The following GNA11 variants were observed in gnomAD, a reference collection of about 807,000 sequenced individuals.
GNA11 encodes G protein subunit alpha 11.
GNA11 carries 8 observed loss-of-function variants against 38.2 expected under a neutral mutation model. That is an observed-to-expected ratio of 0.21 (90% CI 0.12 to 0.38). The LOEUF (loss-of-function observed/expected upper bound fraction) is 0.38. GNA11 is among the 10% of genes least tolerant of loss of function. The pLI is 1.00. For synonymous variants in GNA11, 211 were observed against 221.4 expected (o/e 0.95, Z 0.42); for missense variants, 268 against 516.3 (o/e 0.52, Z 4.66).
At chr19:3,096,593 C>T (rs1913373197) in intron 1 of GNA11, among the ~76,000 whole-genome samples, 1 of 152,176 alleles carries the variant, frequency 6.6e-6, no homozygotes. Context: ...GTGTCTGCCG[C>T]CTTGGCTGCT....
At chr19:3,102,278 G>C (rs1223785574) in intron 1 of GNA11, among the ~76,000 whole-genome samples, 1 of 152,250 alleles carries the variant, frequency 6.6e-6, no homozygotes, top group Non-Finnish European at 1.5e-5. Context: ...GGGGCAGTTA[G>C]TATCTGCACC....
rs909094178 is a variant in GNA11, at chr19:3,121,690, C to T, written c.*511C>T. The T allele has an allele frequency of 1.7e-5, 4 of 232,574 alleles. No individual in the cohort carries two copies. The highest frequency in any genetic ancestry group is 1.7e-4 in the Admixed American group (3 of 17,738). The allele number at this position is 232,574 out of a possible 1,614,324, so 14.4% of individuals were successfully genotyped here. On this transcript the variant is annotated 3_prime_UTR_variant, in exon 7 of 7. Coordinates refer to ENST00000078429, the MANE Select transcript of GNA11 (RefSeq NM_002067.5). ...CTTCATCACAAAAGGCGTGGAGACTCGGAGACGGACGTTTTTCCCCTTTTT... is the reference window on the plus strand; with the variant it reads ...CTTCATCACAAAAGGCGTGGAGACTTGGAGACGGACGTTTTTCCCCTTTTT...
rs563805534 is a variant in GNA11 at position 3,113,613 on chromosome 19, G to C, written c.476+129G>C. On this transcript the variant is annotated intron_variant, in intron 3 of 6. Transcript: ENST00000078429. Reference sequence around the variant, plus strand: ...CTCGCCGGGGGCAGGGATGCGGTGGGCCCGGGCCACCTGGCCGGATGGAGG... The same window carrying C: ...CTCGCCGGGGGCAGGGATGCGGTGGCCCCGGGCCACCTGGCCGGATGGAGG... The C allele has an allele frequency of 7.3e-6, 5 of 686,382 alleles. No individual in the cohort carries two copies. In the African/African-American group the frequency reaches 9.3e-5, roughly 13 times the overall value. The allele number at this position is 686,382 out of a possible 1,614,324, so 42.5% of individuals were successfully genotyped here. A position where few individuals can be genotyped will look rare whatever the true frequency, so the allele number is the denominator to read the frequency against.
rs2145316274 is a variant in GNA11 at position 3,110,890 on chromosome 19, C to T, written c.321+557C>T. 1.3e-5 allele frequency among the ~76,000 whole-genome samples: 2 copies of T among 152,264 alleles called. No homozygotes were observed. Among genetic ancestry groups the T allele is most frequent in the Admixed American group, 1.3e-4 (2 of 15,302 alleles). On this transcript the variant is annotated intron_variant, in intron 2 of 6. Transcript: ENST00000078429. This position sits in a 1 kb window ranked among gnomAD's most constrained non-coding sequence, Gnocchi z 5.4. ...CAAGGCTCATCACAGCCTGGACCTT[C>T]TGGGCTCAGGTGATCCCACCACAGC...
chr19:3,113,106 G>T (rs1011141748), intron 2 of GNA11, among the ~76,000 whole-genome samples: 1 of 152,258 alleles, frequency 6.6e-6, no homozygotes, highest in Non-Finnish European at 1.5e-5. Context: ...AGACCGCACC[G>T]CCGGGAGGCT....
Position 3,119,424 on chromosome 19 carries a change from T to C in GNA11, c.889+65T>C. The C allele has an allele frequency of 1.4e-6, 2 of 1,475,130 alleles. No individual in the cohort carries two copies. Among genetic ancestry groups the C allele is most frequent in the African/African-American group, 2.9e-5 (2 of 69,362 alleles). 91.4% of individuals were successfully genotyped at this position (1,475,130 alleles called of 1,614,324 possible). ...GGCCTTACTGGGGGGAGGGGGCTGATATGGGAGAGGGGCTCATACAGGCCG... is the reference window on the plus strand; with the variant it reads ...GGCCTTACTGGGGGGAGGGGGCTGACATGGGAGAGGGGCTCATACAGGCCG... On this transcript the variant is annotated intron_variant, in intron 6 of 6. Transcript: ENST00000078429. This position sits in a 1 kb window ranked among gnomAD's most constrained non-coding sequence, Gnocchi z 4.6.
In GNA11 at chr19:3,120,344, T is replaced by G. The variant is rs372774; in HGVS notation, c.890-645T>G. Among the ~76,000 whole-genome samples, 23 of 151,668 alleles carry G rather than the reference T, an allele frequency of 1.5e-4. No individual in the cohort carries two copies. The South Asian group carries it at 4.8e-3, about 31-fold the overall frequency. Reference sequence around the variant, plus strand: ...GTCCTGTGGGCTCAGAGAGCCCTGGTGGGGGGAGGCCAAGGGACTGGGGCA... The same window carrying G: ...GTCCTGTGGGCTCAGAGAGCCCTGGGGGGGGGAGGCCAAGGGACTGGGGCA... On this transcript the variant is annotated intron_variant, in intron 6 of 6. Transcript: ENST00000078429. The surrounding 1 kb of genome is among the most constrained non-coding windows in gnomAD (Gnocchi z 5.9).
In GNA11 at chr19:3,123,048, C is replaced by T. The variant is rs961582295; in HGVS notation, c.*1869C>T. 6.9e-5 allele frequency: 16 copies of T among 233,280 alleles called. No individual in the cohort carries two copies. The highest frequency in any genetic ancestry group is 3.6e-4 in the South Asian group (2 of 5,532). 14.5% of individuals were successfully genotyped at this position (233,280 alleles called of 1,614,324 possible). The stretch of plus-strand genomic sequence containing the variant: ...GGTTGGTGCCAGAAGCCCCCCATGG[C>T]GAGTGCTGGGGCCCGGCGGTGCCCT... On this transcript the variant is annotated 3_prime_UTR_variant, in exon 7 of 7. Coordinates refer to ENST00000078429, the MANE Select transcript of GNA11 (RefSeq NM_002067.5).
rs1913739644 is a variant in GNA11, at chr19:3,110,274, C to G, written c.262C>G (p.Gln88Glu). The G allele has an allele frequency of 6.2e-7, 1 of 1,613,914 alleles. No homozygotes were observed. The highest frequency in any genetic ancestry group is 8.5e-7 in the Non-Finnish European group (1 of 1,179,922). The change falls in exon 2 of 7, where the codon CAG becomes GAG. Residue 88 changes from glutamine (Q) to glutamate (E), a missense_variant. Around this residue, in one of 3 missense-constraint regions of GNA11, gnomAD observed 151 missense variants for 254.0 expected, o/e 0.59. Coordinates refer to ENST00000078429, the MANE Select transcript of GNA11 (RefSeq NM_002067.5). This position sits in a 1 kb window ranked among gnomAD's most constrained non-coding sequence, Gnocchi z 5.4. ...CTACCAGAACATCTTCACCGCCATGCAGGCCATGATCCGGGCCATGGAGAC... is the reference window on the plus strand; with the variant it reads ...CTACCAGAACATCTTCACCGCCATGGAGGCCATGATCCGGGCCATGGAGAC... The part of the protein sequence containing the change: ...LVYQNIFTAM[Q>E]AMIRAMETLK...
chr19:3,102,124 A>C (rs1801629873), intron 1 of GNA11, among the ~76,000 whole-genome samples: 1 of 150,168 alleles, frequency 6.7e-6, no homozygotes, highest in African/African-American at 2.5e-5. Flanking sequence ...ACAAAACAAA[A>C]CAAACAAAAA....
Position 3,122,463 on chromosome 19 carries a change from A to C in GNA11, c.*1284A>C. ...GGGGGAGCCCGCCAGGCCACGCCGC[A>C]CTGAGCCACAGCCCCGGGGGCCGCC... On this transcript the variant is annotated 3_prime_UTR_variant, in exon 7 of 7. Transcript: ENST00000078429. This position sits in a 1 kb window ranked among gnomAD's most constrained non-coding sequence, Gnocchi z 7.7. 4.3e-6 allele frequency: 1 copy of C among 231,284 alleles called. No homozygotes were observed. The highest frequency in any genetic ancestry group is 6.1e-5 in the East Asian group (1 of 16,414). 14.3% of individuals were successfully genotyped at this position (231,284 alleles called of 1,614,324 possible).
intron 1 of GNA11, among the ~76,000 whole-genome samples, chr19:3,106,143 G>A (rs1442109905): frequency 6.6e-6 from 1 of 152,192 alleles, no homozygotes; most frequent in Non-Finnish European, 1.5e-5. Flanking sequence ...CCGAGTTGGG[G>A]CTGTGGCTTT....
At chr19:3,095,586 C>T (rs540485590) in intron 1 of GNA11, among the ~76,000 whole-genome samples, 1 of 152,086 alleles carries the variant, frequency 6.6e-6, no homozygotes, top group Admixed American at 6.5e-5. Context: ...CAGGGCCATT[C>T]TCCTGCCTTC....
rs308041 is a variant in GNA11 at position 3,121,611 on chromosome 19, C to G, written c.*432C>G. The stretch of plus-strand genomic sequence containing the variant: ...CACGCGCCCCCACACCGCAGCCCCC[C>G]GTGGCTGTCCTTCCAACCCCACGTG... On this transcript the variant is annotated 3_prime_UTR_variant, in exon 7 of 7. Transcript: ENST00000078429. 5 of 233,810 alleles carry G rather than the reference C, an allele frequency of 2.1e-5. No individual in the cohort carries two copies. Among genetic ancestry groups the G allele is most frequent in the Non-Finnish European group, 4.2e-5 (5 of 118,508 alleles). The allele number at this position is 233,810 out of a possible 1,614,324, so 14.5% of individuals were successfully genotyped here.
In GNA11 at chr19:3,094,758, C is replaced by T. The variant is rs2145300399; in HGVS notation, c.107C>T (p.Ala36Val). The change falls in exon 1 of 7, where the codon GCC becomes GTC. Residue 36 changes from alanine (A) to valine (V), a missense_variant. By Grantham distance (64) the Ala-to-Val change is moderately conservative. Coordinates refer to ENST00000078429, the MANE Select transcript of GNA11 (RefSeq NM_002067.5). The surrounding 1 kb of genome is among the most constrained non-coding windows in gnomAD (Gnocchi z 6.0). ...CAGCTGCGGCGGGACAAGCGCGACG[C>T]CCGGCGCGAGCTCAAGCTGCTGCTG... ...EKQLRRDKRD[A>V]RRELKLLLLG... is the part of the protein sequence containing the mutation. 1 of 1,587,994 alleles carries T rather than the reference C, an allele frequency of 6.3e-7. No individual in the cohort carries two copies. The highest frequency in any genetic ancestry group is 8.6e-7 in the Non-Finnish European group (1 of 1,169,362).
chr19:3,115,179 G>C (rs1263029248), intron 4 of GNA11, 107 bp downstream of exon 4: 2 of 1,305,292 alleles, frequency 1.5e-6, no homozygotes, highest in Non-Finnish European at 2.2e-6. Flanking sequence ...CAAGGCGGGA[G>C]GATCGCCTGA....
chr19:3,111,967 A>G (rs953466412), intron 2 of GNA11, among the ~76,000 whole-genome samples: 5 of 152,170 alleles, frequency 3.3e-5, no homozygotes, highest in Non-Finnish European at 7.4e-5. Flanking sequence ...GTCCATATTC[A>G]TATTTGGGCT....
At chr19:3,115,604 C>T (rs1351257289) in intron 4 of GNA11, among the ~76,000 whole-genome samples, 1 of 151,406 alleles carries the variant, frequency 6.6e-6, no homozygotes, top group Non-Finnish European at 1.5e-5. Flanking sequence ...ACAGGGCCTC[C>T]AGGACGGGCC....
At position 3,122,657 on chromosome 19, in the gene GNA11, A is replaced by ATCGCC. The variant is rs1484415670; in HGVS notation, c.*1480_*1484dup. 8.6e-6 allele frequency: 2 copies of ATCGCC among 233,162 alleles called. No individual in the cohort carries two copies. Among genetic ancestry groups the ATCGCC allele is most frequent in the Non-Finnish European group, 1.7e-5 (2 of 118,140 alleles). 14.4% of individuals were successfully genotyped at this position (233,162 alleles called of 1,614,324 possible). On this transcript the variant is annotated 3_prime_UTR_variant, in exon 7 of 7. Transcript: ENST00000078429. This position sits in a 1 kb window ranked among gnomAD's most constrained non-coding sequence, Gnocchi z 7.7. ...CTTCGCACAGCTGTCCCAGGGATGG[A>ATCGCC]TCGCCTGTGCTGCCTTCGCCCGCCG...
Sources: allele counts gnomAD v4.1 joint callset (sites outside exome capture counted in the v4.1 genomes callset), GRCh38; gene constraint gnomAD v4.1.1; regional missense constraint gnomAD v4.1.1; non-coding constraint Gnocchi (gnomAD v3.1); transcripts MANE v1.5; gene names NCBI Gene and HGNC (gene_info 2026-07-23, HGNC 2026-07-21).